The following HCN4 variants were observed in gnomAD, a reference collection of about 807,000 sequenced individuals.
HCN4 encodes potassium/sodium hyperpolarization-activated cyclic nucleotide-gated channel 4.
A neutral mutation model predicts 76.9 loss-of-function variants in HCN4; 29 were observed. The observed-to-expected ratio is 0.38, with a 90% CI of 0.28 to 0.51. HCN4 has a LOEUF of 0.51. Ranked by LOEUF, HCN4 falls within the 20% of genes least tolerant of loss-of-function variation. The probability of loss-of-function intolerance (pLI) is 0.90; values close to 1 mark genes in which losing one functional copy is unlikely to be tolerated. For missense variants in HCN4, 1,416 were observed against 1,715.2 expected (o/e 0.83, Z 3.08); for synonymous variants, 772 against 762.5 (o/e 1.01, Z -0.21).
chr15:73,368,099 G>A lies in HCN4; in HGVS notation c.172C>T (p.Pro58Ser), dbSNP rs1029043200. The stretch of plus-strand genomic sequence containing the variant: ...TCCGTGCCACCCGCGGCCGCCGAGG[G>A]GGAGGGCGAGGGCAGTGGCCGCAGC... ...IRLRPLPSPS[P>S]SAAAGGTESR... is the part of the protein sequence containing the mutation. Residue 58 changes from proline (P) to serine (S), a missense_variant, in exon 1 of 8, where the codon CCC (proline) becomes TCC (serine). Pro to Ser is a moderately conservative substitution (Grantham distance 74). Around this residue, in one of 6 missense-constraint regions of HCN4, gnomAD observed 355 missense variants for 347.8 expected, o/e 1.02. Coordinates refer to ENST00000261917, the MANE Select transcript of HCN4 (RefSeq NM_005477.3). The surrounding 1 kb of genome is among the most constrained non-coding windows in gnomAD (Gnocchi z 6.9). 4.1e-5 allele frequency: 61 copies of A among 1,497,780 alleles called. No homozygotes were observed. Among genetic ancestry groups the A allele is most frequent in the Non-Finnish European group, 5.0e-5 (56 of 1,128,004 alleles). 92.8% of individuals were successfully genotyped at this position (1,497,780 alleles called of 1,614,324 possible).
At chr15:73,354,237 C>A (rs919388502) in intron 1 of HCN4, among the ~76,000 whole-genome samples, 2 of 152,222 alleles carry the variant, frequency 1.3e-5, no homozygotes, top group Non-Finnish European at 2.9e-5. Context: ...TGACCCTTTA[C>A]CCCTGCCTCT....
chr15:73,368,188 T>G lies in HCN4; in HGVS notation c.83A>C (p.Glu28Ala). 1 of 1,533,982 alleles carries G rather than the reference T, an allele frequency of 6.5e-7. No homozygotes were observed. The stretch of plus-strand genomic sequence containing the variant: ...CCCCTCCTCCTCGGCGTCCTCTTCC[T>G]CGTCCATGATCCACGCCTTGGCCCC... ...QVGAKAWIMD[E>A]EEDAEEEGAG... is the part of the protein sequence containing the mutation. Residue 28 changes from glutamate (E) to alanine (A), a missense_variant, in exon 1 of 8, where the codon GAG (glutamate) becomes GCG (alanine). Physicochemically the swap from Glu to Ala is moderately radical, Grantham distance 107 (BLOSUM62 -1). Coordinates refer to ENST00000261917, the MANE Select transcript of HCN4 (RefSeq NM_005477.3). This position sits in a 1 kb window ranked among gnomAD's most constrained non-coding sequence, Gnocchi z 6.9.
Position 73,322,620 on chromosome 15 carries a change from G to A in HCN4, c.3473C>T (p.Ser1158Leu). Residue 1158 changes from serine to leucine, a missense_variant, in exon 8 of 8, where the codon TCA (serine) becomes TTA (leucine). By Grantham distance (145) the Ser-to-Leu change is moderately radical. Transcript: ENST00000261917. ...AGACAGAGGGGGTGGCAAAGAACCT[G>A]AGGATGTCTTCCGAGGCAGAGTGAC... ...QHVTLPRKTS[S>L]GSLPPPLSLF... 1 of 1,611,912 alleles carries A rather than the reference G, an allele frequency of 6.2e-7. No homozygotes were observed. Among genetic ancestry groups the A allele is most frequent in the Non-Finnish European group, 8.5e-7 (1 of 1,179,406 alleles).
intron 1 of HCN4, among the ~76,000 whole-genome samples, chr15:73,353,011 T>C (rs488556): frequency 7.1e-4 from 97 of 136,408 alleles, no homozygotes; most frequent in African/African-American, 2.4e-3. Flanking sequence ...GACAGATGGA[T>C]GGATGGATGG....
At position 73,353,859 on chromosome 15, in the gene HCN4, T is replaced by C. The variant is rs147779321; in HGVS notation, c.786-10051A>G. Among the ~76,000 whole-genome samples, 6 of 152,262 alleles carry C rather than the reference T, an allele frequency of 3.9e-5. No individual in the cohort carries two copies. The East Asian group carries it at 7.7e-4, about 20-fold the overall frequency. ...CAGCTCAGGTCTCTGGAGGGAAATA[T>C]AGCCCCACCCACTGCCCAACCTTCC... On this transcript the variant is annotated intron_variant, in intron 1 of 7. Coordinates refer to ENST00000261917, the MANE Select transcript of HCN4 (RefSeq NM_005477.3).
At chr15:73,357,511 G>C (rs2043086534) in intron 1 of HCN4, among the ~76,000 whole-genome samples, 1 of 152,154 alleles carries the variant, frequency 6.6e-6, no homozygotes, top group South Asian at 2.1e-4. Context: ...CTGAGGCCAG[G>C]TCTGAGCTTC....
In HCN4 at chr15:73,357,077, C is replaced by T. The variant is rs552741725; in HGVS notation, c.785+10409G>A. Reference sequence around the variant, plus strand: ...CTGAAACTCTACCTGCCCGGCCTCACCCAGGGAGCCCAAACATCCATGATC... The same window carrying T: ...CTGAAACTCTACCTGCCCGGCCTCATCCAGGGAGCCCAAACATCCATGATC... On this transcript the variant is annotated intron_variant, in intron 1 of 7. Transcript: ENST00000261917. Among the ~76,000 whole-genome samples, 63 of 152,302 alleles carry T rather than the reference C, an allele frequency of 4.1e-4. No homozygotes were observed. The South Asian group carries it at 9.5e-3, about 23-fold the overall frequency.
At chr15:73,362,242 T>C (rs548660753) in intron 1 of HCN4, among the ~76,000 whole-genome samples, 1 of 152,316 alleles carries the variant, frequency 6.6e-6, no homozygotes, top group Admixed American at 6.5e-5. Context: ...GACTTCACCC[T>C]GCCACGCTGA....
chr15:73,339,931 C>T (rs1302863271), intron 2 of HCN4, among the ~76,000 whole-genome samples: 1 of 152,156 alleles, frequency 6.6e-6, no homozygotes, highest in Admixed American at 6.5e-5. Flanking sequence ...TAGCTCAAAG[C>T]AATTTTCTTC....
At chr15:73,359,172 C>A (rs1407407674) in intron 1 of HCN4, among the ~76,000 whole-genome samples, 1 of 152,174 alleles carries the variant, frequency 6.6e-6, no homozygotes, top group Non-Finnish European at 1.5e-5. Context: ...ACCTGGAGGC[C>A]CCGCTGCTTG....
At chr15:73,363,354 C>G (rs563460990) in intron 1 of HCN4, among the ~76,000 whole-genome samples, 23 of 152,332 alleles carry the variant, frequency 1.5e-4, no homozygotes, top group Non-Finnish European at 4.4e-5. Flanking sequence ...CAAGGGAGAA[C>G]CCCTTTCCCC....
At position 73,323,443 on chromosome 15, in the gene HCN4, G is replaced by C. The variant is rs745819208; in HGVS notation, c.2650C>G (p.Pro884Ala). The C allele has an allele frequency of 6.2e-6, 10 of 1,609,300 alleles. No homozygotes were observed. The highest frequency in any genetic ancestry group is 8.5e-6 in the Non-Finnish European group (10 of 1,179,142). ...LLPSSSSSPP[P>A]GACGSPSAPT... Reference sequence around the variant, plus strand: ...GCCGAGGGGGAGCCACAGGCCCCGGGGGGTGGGGAGGAGCTGGATGAGGGC... The same window carrying C: ...GCCGAGGGGGAGCCACAGGCCCCGGCGGGTGGGGAGGAGCTGGATGAGGGC... Residue 884 changes from proline to alanine, a missense_variant, in exon 8 of 8, where the codon CCC becomes GCC. Coordinates refer to ENST00000261917, the MANE Select transcript of HCN4 (RefSeq NM_005477.3).
chr15:73,367,360 G>T lies in HCN4; in HGVS notation c.785+126C>A. Reference sequence around the variant, plus strand: ...TGGGGGTGTCTCGGAGCCTAGAGGCGCCCTGCCTCTCTTGGAGCTCCCAGC... The same window carrying T: ...TGGGGGTGTCTCGGAGCCTAGAGGCTCCCTGCCTCTCTTGGAGCTCCCAGC... On this transcript the variant is annotated intron_variant, in intron 1 of 7. Transcript: ENST00000261917. The surrounding 1 kb of genome is among the most constrained non-coding windows in gnomAD (Gnocchi z 7.5). 1.4e-6 allele frequency: 2 copies of T among 1,434,444 alleles called. No homozygotes were observed. Among genetic ancestry groups the T allele is most frequent in the Non-Finnish European group, 1.9e-6 (2 of 1,060,048 alleles). The allele number at this position is 1,434,444 out of a possible 1,614,324, so 88.9% of individuals were successfully genotyped here.
intron 1 of HCN4, among the ~76,000 whole-genome samples, chr15:73,346,869 C>T (rs182756612): frequency 2.0e-5 from 3 of 152,188 alleles, no homozygotes; most frequent in Admixed American, 6.5e-5. Flanking sequence ...CACAGGTCTC[C>T]GAAAGCCAGG....
intron 3 of HCN4, 139 bp downstream of exon 3, chr15:73,331,992 G>T: frequency 1.3e-6 from 1 of 795,722 alleles, no homozygotes; most frequent in Non-Finnish European, 2.2e-6. Flanking sequence ...ACTGGGTAGA[G>T]CTATGTGCCC....
intron 1 of HCN4, among the ~76,000 whole-genome samples, chr15:73,357,427 C>T (rs1272928679): frequency 6.6e-6 from 1 of 152,088 alleles, no homozygotes; most frequent in Non-Finnish European, 1.5e-5. Flanking sequence ...GCTGGCCTGT[C>T]CCACAGGGCC....
chr15:73,329,810 G>A lies in HCN4; in HGVS notation c.1372-19C>T, dbSNP rs534637107. ...AGTTGTTCTGTGGACAGACGGATGGGTGGGGACAGTGGATGAGAGGGAAGG... is the reference window on the plus strand; with the variant it reads ...AGTTGTTCTGTGGACAGACGGATGGATGGGGACAGTGGATGAGAGGGAAGG... On this transcript the variant is annotated intron_variant, in intron 3 of 7. Transcript: ENST00000261917. 1 of 1,595,414 alleles carries A rather than the reference G, an allele frequency of 6.3e-7. No homozygotes were observed. Among genetic ancestry groups the A allele is most frequent in the Non-Finnish European group, 8.6e-7 (1 of 1,165,050 alleles).
At chr15:73,339,024 C>A (rs527810337) in intron 2 of HCN4, among the ~76,000 whole-genome samples, 3 of 152,364 alleles carry the variant, frequency 2.0e-5, no homozygotes, top group Admixed American at 1.3e-4. Context: ...GGCCACACAG[C>A]AGCCCCAGCT....
In HCN4 at chr15:73,323,083, G is replaced by A. The variant is rs201418838; in HGVS notation, c.3010C>T (p.Pro1004Ser). 223 of 1,576,382 alleles carry A rather than the reference G, an allele frequency of 1.4e-4. 1 individual carries two copies. The African/African-American group carries it at 2.6e-3, about 18-fold the overall frequency. ...CCAGAGGCCCCTGCCACAAGGGACGGCGGCTCAGGCTGCCGTGGGGGTGTC... is the reference window on the plus strand; with the variant it reads ...CCAGAGGCCCCTGCCACAAGGGACGACGGCTCAGGCTGCCGTGGGGGTGTC... ...PETPPRQPEP[P>S]SLVAGASGGA... Residue 1004 changes from proline to serine, a missense_variant, in exon 8 of 8, where the codon CCG becomes TCG. Physicochemically the swap from Pro to Ser is moderately conservative, Grantham distance 74 (BLOSUM62 -1). This residue lies in a region of HCN4 where 633 missense variants were observed against 579.8 expected (regional missense o/e 1.09). Coordinates refer to ENST00000261917, the MANE Select transcript of HCN4 (RefSeq NM_005477.3).
Sources: gnomAD v4.1 joint callset for allele counts (sites outside exome capture counted in the v4.1 genomes callset) on GRCh38, gnomAD v4.1.1 for gene constraint, gnomAD v4.1.1 regional missense constraint, Gnocchi (gnomAD v3.1) non-coding constraint, MANE v1.5 for transcripts, NCBI Gene and HGNC (gene_info 2026-07-23, HGNC 2026-07-21) for gene names.